CDH23: variants seen among roughly 807,000 people sequenced by gnomAD.
CDH23 encodes the protein cadherin related 23.
In CDH23, 189 loss-of-function variants were observed where a neutral mutation model predicts 317.1. The observed-to-expected ratio is 0.60, with a 90% CI of 0.53 to 0.67. CDH23 has a LOEUF of 0.67. CDH23 is among the 30% of genes least tolerant of loss of function. The probability of loss-of-function intolerance (pLI) is 0.00; values close to 1 mark genes in which losing one functional copy is unlikely to be tolerated. For missense variants in CDH23, 4,401 were observed against 4,592.4 expected (o/e 0.96, Z 1.20); for synonymous variants, 1,839 against 1,876.8 (o/e 0.98, Z 0.52).
At chr10:71,532,293 C>T (rs2132262702) in intron 6 of CDH23, among the ~76,000 whole-genome samples, 1 of 152,352 alleles carries the variant, frequency 6.6e-6, no homozygotes, top group Non-Finnish European at 1.5e-5. Flanking sequence ...CCATCTGCCT[C>T]TCACAGAGAC....
In CDH23 at chr10:71,723,947, G is replaced by A. The variant is rs1866686279; in HGVS notation, c.3370-98G>A. ...GGAGACCACAGGTTTTGGCAGGATGGGGTAGGATGCGTGAAGGGAAGGAAA... is the reference window on the plus strand; with the variant it reads ...GGAGACCACAGGTTTTGGCAGGATGAGGTAGGATGCGTGAAGGGAAGGAAA... On this transcript the variant is annotated intron_variant, in intron 28 of 69. Coordinates refer to ENST00000224721, the MANE Select transcript of CDH23 (RefSeq NM_022124.6). 14 of 1,361,576 alleles carry A rather than the reference G, an allele frequency of 1.0e-5. No homozygotes were observed. In the South Asian group the frequency reaches 1.6e-4, roughly 16 times the overall value. The allele number at this position is 1,361,576 out of a possible 1,614,324, so 84.3% of individuals were successfully genotyped here.
chr10:71,740,940 G>A lies in CDH23; in HGVS notation c.4607G>A (p.Ser1536Asn). ...GAGAGCCCCTTTGGATACAATGTCA[G>A]TGTGAATGAGGTGAGGGCAGCCCCG... ...VIESPFGYNVSVNENVGGGTA... is the reference protein window; with the variant it reads ...VIESPFGYNVNVNENVGGGTA... The change falls in exon 37 of 70, where the codon AGT becomes AAT. Residue 1536 changes from serine to asparagine, a missense_variant. This residue lies in a region of CDH23 where 3,068 missense variants were observed against 3,203.3 expected (regional missense o/e 0.96). Transcript: ENST00000224721. The A allele has an allele frequency of 6.2e-7, 1 of 1,613,972 alleles. No individual in the cohort carries two copies. Among genetic ancestry groups the A allele is most frequent in the Non-Finnish European group, 8.5e-7 (1 of 1,179,874 alleles).
chr10:71,721,402 A>G (rs1866548635), intron 28 of CDH23, among the ~76,000 whole-genome samples: 1 of 152,114 alleles, frequency 6.6e-6, no homozygotes, highest in African/African-American at 2.4e-5. Context: ...ACACATCCCC[A>G]TGCTAGGCAC....
chr10:71,633,435 T>C (rs1862114454), intron 11 of CDH23, among the ~76,000 whole-genome samples: 1 of 152,050 alleles, frequency 6.6e-6, no homozygotes, highest in Non-Finnish European at 1.5e-5. Context: ...GCCCCAAAGA[T>C]AGGGAATATG....
chr10:71,738,700 A>G lies in CDH23; in HGVS notation c.4359+53A>G, dbSNP rs184806470. 584 of 1,584,576 alleles carry G rather than the reference A, an allele frequency of 3.7e-4. 4 individuals are homozygous for G. The highest frequency in any genetic ancestry group is 3.0e-3 in the Middle Eastern group (17 of 5,576). ...TCCACCATGTCAGCGGGGCTCCCAC[A>G]GCTCTCACAGCTGGAGGGGCCTTCT... On this transcript the variant is annotated intron_variant, in intron 35 of 69. Coordinates refer to ENST00000224721, the MANE Select transcript of CDH23 (RefSeq NM_022124.6).
At chr10:71,470,520 T>C (rs1421551297) in intron 3 of CDH23, among the ~76,000 whole-genome samples, 3 of 152,124 alleles carry the variant, frequency 2.0e-5, no homozygotes, top group African/African-American at 7.2e-5. Context: ...TTTTTTGTCT[T>C]GCTCTATCAC....
intron 36 of CDH23, among the ~76,000 whole-genome samples, chr10:71,740,522 C>T (rs1490710077): frequency 6.6e-6 from 1 of 152,230 alleles, no homozygotes; most frequent in Non-Finnish European, 1.5e-5. Context: ...AGAATACAGT[C>T]AGAGGTAGGT....
chr10:71,428,779 G>T (rs989198016), intron 1 of CDH23, among the ~76,000 whole-genome samples: 1 of 151,934 alleles, frequency 6.6e-6, no homozygotes, highest in African/African-American at 2.4e-5. Flanking sequence ...TAGTAGAGAC[G>T]GGTTTTTACC....
At chr10:71,560,164 G>A (rs1589208258) in intron 6 of CDH23, among the ~76,000 whole-genome samples, 1 of 152,156 alleles carries the variant, frequency 6.6e-6, no homozygotes, top group African/African-American at 2.4e-5. Context: ...TCCTCCCAAA[G>A]CATCCCAGTA....
At chr10:71,445,792 G>A (rs75751082) in intron 2 of CDH23, among the ~76,000 whole-genome samples, 15,560 of 141,996 alleles carry the variant, frequency 0.11, 905 homozygotes, top group Middle Eastern at 0.19. Context: ...GGCCTGCCGT[G>A]AGCCATGATC....
intron 2 of CDH23, among the ~76,000 whole-genome samples, chr10:71,443,402 C>A (rs1849994393): frequency 6.6e-6 from 1 of 152,256 alleles, no homozygotes; most frequent in Non-Finnish European, 1.5e-5. Flanking sequence ...CGCCACCCAG[C>A]CTCTGTTTAC....
At chr10:71,689,082 G>T (rs1865066435) in intron 19 of CDH23, among the ~76,000 whole-genome samples, 2 of 141,194 alleles carry the variant, frequency 1.4e-5, no homozygotes, top group Admixed American at 6.9e-5. Flanking sequence ...TGGAGCCAGG[G>T]GTGGTGGAGC....
At chr10:71,530,881 A>C (rs966772804) in intron 6 of CDH23, among the ~76,000 whole-genome samples, 1 of 152,226 alleles carries the variant, frequency 6.6e-6, no homozygotes, top group African/African-American at 2.4e-5. Context: ...CATCATGTAG[A>C]TAAAAAAGCA....
At chr10:71,590,748 C>T (rs1237502244) in intron 9 of CDH23, among the ~76,000 whole-genome samples, 2 of 151,974 alleles carry the variant, frequency 1.3e-5, no homozygotes, top group East Asian at 3.9e-4. Context: ...TGCCTGTAGT[C>T]CTAGCTACTC....
rs372996083 is a variant in CDH23 at position 71,807,327 on chromosome 10, C to T, written c.8229C>T (p.Arg2743=). 5.3e-5 allele frequency: 85 copies of T among 1,613,768 alleles called. No homozygotes were observed. The highest frequency in any genetic ancestry group is 3.3e-4 in the Middle Eastern group (2 of 6,084). The part of the protein sequence containing the change: ...QLLTVPEHSP[R]GTLVGNVTGA... Reference sequence around the variant, plus strand: ...TGACAGTGCCTGAGCACTCACCACGCGGCACCCTCGTGGGCAACGTGACAG... The same window carrying T: ...TGACAGTGCCTGAGCACTCACCACGTGGCACCCTCGTGGGCAACGTGACAG... Residue 2743 remains arginine, a synonymous_variant, in exon 58 of 70, where the codon CGC becomes CGT. Coordinates refer to ENST00000224721, the MANE Select transcript of CDH23 (RefSeq NM_022124.6).
chr10:71,578,504 A>G (rs75430969), intron 9 of CDH23, among the ~76,000 whole-genome samples: 10 of 152,126 alleles, frequency 6.6e-5, no homozygotes, highest in Admixed American at 5.2e-4. Context: ...GCGGGGGGGA[A>G]CATCAGCCCC....
chr10:71,659,950 C>CT (rs1274662362), intron 14 of CDH23, among the ~76,000 whole-genome samples: 21 of 144,174 alleles, frequency 1.5e-4, no homozygotes, highest in East Asian at 6.1e-4. Context: ...CTTTTCTTTT[C>CT]TTTCTTTCCG....
chr10:71,759,766 C>T (rs534981973), intron 38 of CDH23, among the ~76,000 whole-genome samples: 8 of 150,234 alleles, frequency 5.3e-5, no homozygotes, highest in Admixed American at 2.7e-4. Context: ...GAGCCCAGAT[C>T]GCGCCACTGC....
intron 18 of CDH23, among the ~76,000 whole-genome samples, chr10:71,683,028 A>G (rs553451829): frequency 6.6e-6 from 1 of 152,142 alleles, no homozygotes; most frequent in African/African-American, 2.4e-5. Context: ...ACTCCTCTGA[A>G]GATCTAAAGC....
Sources: gnomAD v4.1 joint callset for allele counts (sites outside exome capture counted in the v4.1 genomes callset) on GRCh38, gnomAD v4.1.1 for gene constraint, gnomAD v4.1.1 regional missense constraint, MANE v1.5 for transcripts, NCBI Gene and HGNC (gene_info 2026-07-23, HGNC 2026-07-21) for gene names.